The following CTNND2 variants were observed in gnomAD, a reference collection of about 807,000 sequenced individuals.
CTNND2 encodes the protein catenin delta-2.
A neutral mutation model predicts 144.4 loss-of-function variants in CTNND2; 22 were observed. The ratio of observed to expected loss-of-function variants is 0.15; its 90% CI spans 0.11 to 0.22. The LOEUF is 0.22. CTNND2 is among the 10% of genes least tolerant of loss of function. The probability of loss-of-function intolerance (pLI) is 1.00; values close to 1 mark genes in which losing one functional copy is unlikely to be tolerated. For synonymous variants in CTNND2, 751 were observed against 695.6 expected, an observed-to-expected ratio of 1.08 and a Z score of -1.25; for missense variants, 1,353 against 1,618.8, an observed-to-expected ratio of 0.84 and a Z score of 2.82.
chr5:11,006,419 C>T lies in CTNND2; in HGVS notation c.3084+11555G>A, dbSNP rs555462848. 5.3e-5 allele frequency among the ~76,000 whole-genome samples: 8 copies of T among 152,336 alleles called. No individual in the cohort carries two copies. The South Asian group carries it at 6.2e-4, about 12-fold the overall frequency. On this transcript the variant is annotated intron_variant, in intron 18 of 21. Transcript: ENST00000304623. ...CCAGGTATAGCTGCGGCCCTTACGGCGTGCCAGAGCCACAGATGGAAGGAG... is the reference window on the plus strand; with the variant it reads ...CCAGGTATAGCTGCGGCCCTTACGGTGTGCCAGAGCCACAGATGGAAGGAG...
chr5:11,363,922 A>G (rs962887930), intron 8 of CTNND2, among the ~76,000 whole-genome samples: 4 of 152,232 alleles, frequency 2.6e-5, no homozygotes, highest in African/African-American at 7.2e-5. Context: ...CCAGCAACAC[A>G]GTCATTCCAG....
chr5:11,429,896 C>A (rs1308113400), intron 3 of CTNND2, among the ~76,000 whole-genome samples: 2 of 152,030 alleles, frequency 1.3e-5, no homozygotes, highest in Non-Finnish European at 2.9e-5. Flanking sequence ...ACTAGAAAAA[C>A]AAATGTAATT....
At chr5:11,792,597 G>C (rs1791193293) in intron 1 of CTNND2, among the ~76,000 whole-genome samples, 1 of 152,216 alleles carries the variant, frequency 6.6e-6, no homozygotes, top group Non-Finnish European at 1.5e-5. Flanking sequence ...AGGGGTCTAA[G>C]AGGAAGCACA....
At chr5:11,593,559 A>G (rs1963316) in intron 2 of CTNND2, among the ~76,000 whole-genome samples, 59,621 of 152,036 alleles carry the variant, frequency 0.39, 12,422 homozygotes, top group Middle Eastern at 0.63. Flanking sequence ...TAACTGAATC[A>G]TGGGGGCAGG....
intron 1 of CTNND2, among the ~76,000 whole-genome samples, chr5:11,843,034 T>C (rs1317895919): frequency 6.6e-6 from 1 of 152,208 alleles, no homozygotes; most frequent in Admixed American, 6.5e-5. Flanking sequence ...CCTGCTTTAA[T>C]ATTGCTTCAT....
chr5:11,014,333 A>C (rs1164681213), intron 18 of CTNND2, among the ~76,000 whole-genome samples: 2 of 152,196 alleles, frequency 1.3e-5, no homozygotes, highest in Non-Finnish European at 2.9e-5. Context: ...GGTTCTAAAA[A>C]GTCAAGAACT....
intron 16 of CTNND2, among the ~76,000 whole-genome samples, chr5:11,053,520 C>T (rs953912780): frequency 3.3e-5 from 5 of 152,106 alleles, no homozygotes; most frequent in Admixed American, 6.5e-5. Flanking sequence ...TCTTTTCTGG[C>T]GTGCACCATT....
intron 1 of CTNND2, among the ~76,000 whole-genome samples, chr5:11,888,489 T>C (rs1369150850): frequency 6.6e-6 from 1 of 152,168 alleles, no homozygotes; most frequent in Admixed American, 6.5e-5. Flanking sequence ...TCTCCCTTAG[T>C]ATTTGAAAAC....
At chr5:11,627,322 T>G (rs531164253) in intron 2 of CTNND2, among the ~76,000 whole-genome samples, 1 of 152,194 alleles carries the variant, frequency 6.6e-6, no homozygotes, top group African/African-American at 2.4e-5. Flanking sequence ...ATAATCCAGG[T>G]GGAGTTACCA....
chr5:11,565,837 T>G (rs1275056315), intron 2 of CTNND2, among the ~76,000 whole-genome samples: 1 of 152,204 alleles, frequency 6.6e-6, no homozygotes, highest in African/African-American at 2.4e-5. Context: ...CTCATACACT[T>G]AAGTTTTTTT....
intron 1 of CTNND2, among the ~76,000 whole-genome samples, chr5:11,890,968 C>T (rs938296040): frequency 1.3e-5 from 2 of 152,068 alleles, no homozygotes; most frequent in African/African-American, 4.8e-5. Flanking sequence ...CTAGAAGGAG[C>T]CCTAGGACGG....
At chr5:11,342,169 G>T (rs1397793404) in intron 9 of CTNND2, among the ~76,000 whole-genome samples, 4 of 152,218 alleles carry the variant, frequency 2.6e-5, no homozygotes, top group Admixed American at 2.0e-4. Context: ...CTTTACCAAG[G>T]TTTACCTAGT....
intron 7 of CTNND2, among the ~76,000 whole-genome samples, chr5:11,380,735 T>C (rs1191384925): frequency 6.6e-6 from 1 of 152,214 alleles, no homozygotes; most frequent in Non-Finnish European, 1.5e-5. Context: ...CTAAGGTTTG[T>C]CTATCAGGAA....
chr5:11,190,039 A>T (rs996514029), intron 11 of CTNND2, among the ~76,000 whole-genome samples: 13 of 152,226 alleles, frequency 8.5e-5, no homozygotes, highest in Admixed American at 7.2e-4. Flanking sequence ...ACAGGAGACA[A>T]GAATGGGCAA....
At position 11,670,440 on chromosome 5, in the gene CTNND2, G is replaced by A. The variant is rs565341814; in HGVS notation, c.174+61696C>T. Among the ~76,000 whole-genome samples, 410 of 152,206 alleles carry A rather than the reference G, an allele frequency of 2.7e-3. 3 individuals carry two copies. The highest frequency in any genetic ancestry group is 9.5e-3 in the African/African-American group (393 of 41,516). On this transcript the variant is annotated intron_variant, in intron 2 of 21. Transcript: ENST00000304623. ...TTATTAATCTGGGTGCTCCTGCATT[G>A]GGTGCATATATATTTAGGATAGTTA...
At chr5:11,594,436 G>C (rs1019880168) in intron 2 of CTNND2, among the ~76,000 whole-genome samples, 2 of 152,060 alleles carry the variant, frequency 1.3e-5, no homozygotes, top group African/African-American at 4.8e-5. Flanking sequence ...AGGCATGCAT[G>C]TATGAAAACA....
chr5:11,425,040 A>G (rs1278033034), intron 3 of CTNND2, among the ~76,000 whole-genome samples: 1 of 152,228 alleles, frequency 6.6e-6, no homozygotes, highest in Non-Finnish European at 1.5e-5. Flanking sequence ...TTGTGCTGCT[A>G]CTGAAGGAAA....
intron 16 of CTNND2, among the ~76,000 whole-genome samples, chr5:11,058,697 C>G (rs952336924): frequency 1.3e-5 from 2 of 152,208 alleles, no homozygotes; most frequent in African/African-American, 4.8e-5. Context: ...GATCCAATGA[C>G]CTCTTGCATC....
intron 2 of CTNND2, among the ~76,000 whole-genome samples, chr5:11,584,567 T>C (rs575334074): frequency 1.3e-5 from 2 of 152,080 alleles, no homozygotes; most frequent in African/African-American, 4.8e-5. Context: ...CACAATGCAG[T>C]GTTTATTAAA....
Sources: gnomAD v4.1 joint callset for allele counts (sites outside exome capture counted in the v4.1 genomes callset) on GRCh38, gnomAD v4.1.1 for gene constraint, MANE v1.5 for transcripts, NCBI Gene and HGNC (gene_info 2026-07-23, HGNC 2026-07-21) for gene names.